RNF24: variants seen among roughly 807,000 people sequenced by gnomAD.
RNF24 encodes ring finger protein 24.
In RNF24, 14 loss-of-function variants were observed where a neutral mutation model predicts 20.0. The ratio of observed to expected loss-of-function variants is 0.70; its 90% CI spans 0.46 to 1.10. RNF24 has a LOEUF of 1.10. Ranked by LOEUF, RNF24 falls within the 50% of genes least tolerant of loss-of-function variation. The pLI is 0.00. For missense variants in RNF24, 124 were observed against 177.6 expected (o/e 0.70, Z 1.71); for synonymous variants, 45 against 61.1 (o/e 0.74, Z 1.23).
rs6052207 is a variant in RNF24, at chr20:3,977,905, C to T, written c.-7-13881G>A. On this transcript the variant is annotated intron_variant, in intron 1 of 5. Coordinates refer to ENST00000358395, the MANE Select transcript of RNF24 (RefSeq NM_001134337.3). ...AAGGGCTCTAGCTTCCACGATTTGG[C>T]ACACACACAAAAAACCCCAGAAAGA... Among the ~76,000 whole-genome samples, 888 of 150,416 alleles carry T rather than the reference C, an allele frequency of 5.9e-3. 8 individuals are homozygous for T. Among genetic ancestry groups the T allele is most frequent in the African/African-American group, 0.02 (824 of 41,004 alleles).
At chr20:3,969,370 A>AAGGTAGC (rs1285020514) in intron 1 of RNF24, among the ~76,000 whole-genome samples, 1 of 152,162 alleles carries the variant, frequency 6.6e-6, no homozygotes, top group Non-Finnish European at 1.5e-5. Context: ...AGTTGGACAG[A>AAGGTAGC]AGGTAGCACA....
At chr20:3,954,705 C>G (rs2091121635) in intron 2 of RNF24, among the ~76,000 whole-genome samples, 2 of 151,990 alleles carry the variant, frequency 1.3e-5, no homozygotes, top group African/African-American at 2.4e-5. Flanking sequence ...GAGTTCAAGT[C>G]TGGCCAACAT....
intron 1 of RNF24, among the ~76,000 whole-genome samples, chr20:4,007,563 C>A (rs1981975156): frequency 6.6e-6 from 1 of 151,776 alleles, no homozygotes; most frequent in African/African-American, 2.4e-5. Context: ...ACCAAATAAA[C>A]AAAGAACAGG....
chr20:3,988,455 CTCT>C (rs1323304177), intron 1 of RNF24, among the ~76,000 whole-genome samples: 43 of 130,714 alleles, frequency 3.3e-4, no homozygotes, highest in East Asian at 1.1e-3. Context: ...TGAAAAGAAA[CTCT>C]TTTTTTTTTT....
At chr20:4,004,745 G>A (rs1048147078) in intron 1 of RNF24, among the ~76,000 whole-genome samples, 1 of 152,134 alleles carries the variant, frequency 6.6e-6, no homozygotes, top group African/African-American at 2.4e-5. Context: ...CCTTGATTTT[G>A]GACTTCTACC....
Position 3,934,858 on chromosome 20 carries a change from G to A in RNF24, c.308+136C>T, listed in dbSNP as rs988668446. 4 of 662,804 alleles carry A rather than the reference G, an allele frequency of 6.0e-6. No homozygotes were observed. The African/African-American group carries it at 7.1e-5, about 12-fold the overall frequency. The allele number at this position is 662,804 out of a possible 1,614,324, so 41.1% of individuals were successfully genotyped here. On this transcript the variant is annotated intron_variant, in intron 5 of 5. Transcript: ENST00000358395. This position sits in a 1 kb window ranked among gnomAD's most constrained non-coding sequence, Gnocchi z 4.0. ...ACACACACACACATCCCACCTGTAG[G>A]GTGCTGTCAGCTTTCTGCATTACAG...
At chr20:3,978,229 G>A (rs1229040704) in intron 1 of RNF24, among the ~76,000 whole-genome samples, 1 of 151,888 alleles carries the variant, frequency 6.6e-6, no homozygotes, top group African/African-American at 2.4e-5. Flanking sequence ...GTAGAGACGG[G>A]GTTTCGCCCT....
intron 2 of RNF24, among the ~76,000 whole-genome samples, chr20:3,950,239 T>G (rs995998052): frequency 1.3e-5 from 2 of 152,146 alleles, no homozygotes; most frequent in Admixed American, 6.6e-5. Flanking sequence ...ATAGGGTCTT[T>G]TCAGATTATT....
At chr20:3,970,787 T>C (rs1978321728) in intron 1 of RNF24, among the ~76,000 whole-genome samples, 1 of 152,188 alleles carries the variant, frequency 6.6e-6, no homozygotes, top group Non-Finnish European at 1.5e-5. Flanking sequence ...GACTCACACC[T>C]GTAATCCCAG....
At chr20:3,987,330 C>G (rs572972225) in intron 1 of RNF24, among the ~76,000 whole-genome samples, 4 of 152,252 alleles carry the variant, frequency 2.6e-5, no homozygotes, top group Non-Finnish European at 4.4e-5. Flanking sequence ...GTTCCCATCT[C>G]AACATGAAAT....
intron 2 of RNF24, among the ~76,000 whole-genome samples, chr20:3,956,934 G>A (rs2091149030): frequency 6.6e-6 from 1 of 152,156 alleles, no homozygotes; most frequent in Admixed American, 6.5e-5. Context: ...GCTGAGGTGG[G>A]AGGATCACTC....
chr20:3,961,693 C>T (rs1214418597), intron 2 of RNF24, among the ~76,000 whole-genome samples: 2 of 151,028 alleles, frequency 1.3e-5, no homozygotes, highest in Non-Finnish European at 3.0e-5. Flanking sequence ...ATAACATTTT[C>T]TTTTTTTTAC....
intron 1 of RNF24, among the ~76,000 whole-genome samples, chr20:3,987,941 T>G (rs879079985): frequency 6.6e-6 from 1 of 152,108 alleles, no homozygotes; most frequent in African/African-American, 2.4e-5. Context: ...AAACAAAAAT[T>G]TTCCAGATGT....
chr20:3,999,757 A>G (rs991495577), intron 1 of RNF24, among the ~76,000 whole-genome samples: 11 of 152,244 alleles, frequency 7.2e-5, no homozygotes, highest in Non-Finnish European at 1.2e-4. Context: ...CTCTGTCTCA[A>G]AACAAAACAA....
chr20:3,974,181 TA>T, intron 1 of RNF24: 1 of 718,546 alleles, frequency 1.4e-6, no homozygotes, highest in Non-Finnish European at 2.1e-6. Flanking sequence ...ACCCAGAAAT[TA>T]AAAAACTCCC....
intron 4 of RNF24, among the ~76,000 whole-genome samples, chr20:3,942,682 C>T (rs1008999084): frequency 2.0e-5 from 3 of 152,218 alleles, no homozygotes; most frequent in South Asian, 4.2e-4. Context: ...ACCATGTTAG[C>T]CAGGATGGTC....
intron 1 of RNF24, among the ~76,000 whole-genome samples, chr20:4,010,985 T>TG (rs1278751400): frequency 6.6e-6 from 1 of 152,154 alleles, no homozygotes; most frequent in Non-Finnish European, 1.5e-5. Context: ...TTGGGTGAGA[T>TG]GGGGGGAGTA....
intron 1 of RNF24, among the ~76,000 whole-genome samples, chr20:3,996,205 T>A (rs1228960649): frequency 2.0e-5 from 3 of 152,106 alleles, no homozygotes; most frequent in African/African-American, 7.2e-5. Context: ...ACTGGAAAAA[T>A]TTACACTTAA....
At chr20:4,000,196 GC>G (rs1043618740) in intron 1 of RNF24, among the ~76,000 whole-genome samples, 2 of 152,122 alleles carry the variant, frequency 1.3e-5, no homozygotes, top group Admixed American at 1.3e-4. Flanking sequence ...TTAAAAAAAG[GC>G]AAAAGAGAAT....
Sources: gnomAD v4.1 joint callset for allele counts (sites outside exome capture counted in the v4.1 genomes callset) on GRCh38, gnomAD v4.1.1 for gene constraint, Gnocchi (gnomAD v3.1) non-coding constraint, MANE v1.5 for transcripts, NCBI Gene and HGNC (gene_info 2026-07-23, HGNC 2026-07-21) for gene names.